ABCB11: variants seen among roughly 807,000 people sequenced by gnomAD.
ABCB11 encodes bile salt export pump.
Under a neutral mutation model 148.0 loss-of-function variants are expected in ABCB11, and 95 were observed. The ratio of observed to expected loss-of-function variants is 0.64; its 90% CI spans 0.54 to 0.76. The LOEUF (loss-of-function observed/expected upper bound fraction) is 0.76. ABCB11 is among the 30% of genes least tolerant of loss of function. ABCB11 has a pLI of 0.00. For synonymous variants in ABCB11, 591 were observed against 555.4 expected (o/e 1.06, Z -0.90); for missense variants, 1,523 against 1,617.8 (o/e 0.94, Z 1.01).
At position 168,932,539 on chromosome 2, in the gene ABCB11, A is replaced by C; in HGVS notation, c.3057-6T>G. ...GTACAACTGCAGAGATCACCCTGTA[A>C]CCAGACAGACACACAGGAAGAGAGC... On this transcript the variant is annotated splice_region_variant and splice_polypyrimidine_tract_variant and intron_variant, in intron 23 of 27. Coordinates refer to ENST00000650372, the MANE Select transcript of ABCB11 (RefSeq NM_003742.4). The C allele has an allele frequency of 6.2e-7, 1 of 1,612,760 alleles. No homozygotes were observed. The highest frequency in any genetic ancestry group is 8.5e-7 in the Non-Finnish European group (1 of 1,179,386).
chr2:168,991,429 A>T (rs549205108), intron 8 of ABCB11, among the ~76,000 whole-genome samples: 1 of 152,260 alleles, frequency 6.6e-6, no homozygotes, highest in Non-Finnish European at 1.5e-5. Flanking sequence ...GAGACGCTCA[A>T]CTATGTAGTT....
intron 14 of ABCB11, chr2:168,970,489 C>A: frequency 2.5e-6 from 2 of 810,130 alleles, no homozygotes; most frequent in Non-Finnish European, 3.6e-6. Context: ...GATTTTTCAA[C>A]CAAAATAAAA....
At chr2:168,986,382 A>G in intron 9 of ABCB11, 98 bp from the exon 10 acceptor site, 1 of 1,055,092 alleles carries the variant, frequency 9.5e-7, no homozygotes, top group East Asian at 2.4e-5. Flanking sequence ...AAATGATCAT[A>G]AAATCATCGC....
intron 17 of ABCB11, among the ~76,000 whole-genome samples, chr2:168,966,349 C>G (rs928724685): frequency 6.6e-6 from 1 of 151,826 alleles, no homozygotes; most frequent in Non-Finnish European, 1.5e-5. Context: ...GTCCTTGGCC[C>G]CTTGGATATC....
chr2:168,961,327 GTAGAGGTTCCCTGCCC>G (rs1693065183), intron 18 of ABCB11, among the ~76,000 whole-genome samples: 1 of 151,686 alleles, frequency 6.6e-6, no homozygotes, highest in East Asian at 2.0e-4. Context: ...CTTCCATTCA[GTAGAGGTTCCCTGCCC>G]TAATAATAAC....
chr2:168,978,598 T>A (rs551540008), intron 11 of ABCB11, among the ~76,000 whole-genome samples: 4 of 152,222 alleles, frequency 2.6e-5, no homozygotes, highest in African/African-American at 9.6e-5. Flanking sequence ...CCAAACAGGT[T>A]CAGGGAGCCC....
chr2:168,943,777 C>T (rs2105910748), intron 21 of ABCB11, among the ~76,000 whole-genome samples: 1 of 127,966 alleles, frequency 7.8e-6, no homozygotes, highest in East Asian at 2.5e-4. Context: ...CAGTACAGCA[C>T]TATCAGTCCA....
At chr2:169,005,690 G>C (rs1213285313) in intron 5 of ABCB11, among the ~76,000 whole-genome samples, 1 of 152,150 alleles carries the variant, frequency 6.6e-6, no homozygotes, top group African/African-American at 2.4e-5. Flanking sequence ...CTGAAGCCAA[G>C]AGTAGATTTT....
Position 168,969,360 on chromosome 2 carries a change from C to G in ABCB11, c.2001G>C (p.Glu667Asp). Reference sequence around the variant, plus strand: ...GGAAAAAGCACTTGCCCTTTATGTCCTCTTCATTAAGAGCTTGATTTCCCT... The same window carrying G: ...GGAAAAAGCACTTGCCCTTTATGTCGTCTTCATTAAGAGCTTGATTTCCCT... ...QSQGNQALNEEDIKDATEDDM... is the reference protein window; with the variant it reads ...QSQGNQALNEDDIKDATEDDM... The change falls in exon 16 of 28, where the codon GAG (glutamate) becomes GAC (aspartate). Residue 667 changes from glutamate to aspartate, a missense_variant. Transcript: ENST00000650372. 1.9e-6 allele frequency: 3 copies of G among 1,611,616 alleles called. No homozygotes were observed. The highest frequency in any genetic ancestry group is 1.7e-6 in the Non-Finnish European group (2 of 1,178,754).
At chr2:168,979,659 C>G (rs1349200802) in intron 11 of ABCB11, among the ~76,000 whole-genome samples, 2 of 111,804 alleles carry the variant, frequency 1.8e-5, no homozygotes, top group Non-Finnish European at 1.7e-5. Context: ...GCAACAAGAG[C>G]GAAACTCCAT....
rs142755107 is a variant in ABCB11, at chr2:168,932,278, G to C, written c.3213+99C>G. The C allele has an allele frequency of 6.3e-4, 654 of 1,032,174 alleles. 6 individuals carry two copies. The African/African-American group carries it at 9.1e-3, about 14-fold the overall frequency. The allele number at this position is 1,032,174 out of a possible 1,614,324, so 63.9% of individuals were successfully genotyped here. A position where few individuals can be genotyped will look rare whatever the true frequency, so the allele number is the denominator to read the frequency against. ...GTGGTGTTTGGTTTTCTGTTCTTGT[G>C]TTAGTTTGCTGAGAATGATGGTTTC... On this transcript the variant is annotated intron_variant, in intron 24 of 27. Transcript: ENST00000650372.
intron 23 of ABCB11, among the ~76,000 whole-genome samples, chr2:168,934,203 A>G (rs915324185): frequency 1.2e-4 from 18 of 152,336 alleles, no homozygotes; most frequent in African/African-American, 4.1e-4. Flanking sequence ...GTAGCTTTAA[A>G]TATGCAAAGA....
In ABCB11 at chr2:168,935,347, T is replaced by A. The variant is rs187663132; in HGVS notation, c.2893A>T (p.Thr965Ser). 17 of 1,614,002 alleles carry A rather than the reference T, an allele frequency of 1.1e-5. No individual in the cohort carries two copies. The East Asian group carries it at 3.8e-4, about 36-fold the overall frequency. Residue 965 changes from threonine to serine, a missense_variant, in exon 23 of 28, where the codon ACT (threonine) becomes TCT (serine). Coordinates refer to ENST00000650372, the MANE Select transcript of ABCB11 (RefSeq NM_003742.4). ...KERRFIEALE[T>S]ELEKPFKTAI... Reference sequence around the variant, plus strand: ...GTCTTGAAGGGCTTCTCCAGCTCAGTCTCAAGTGCTTCAATGAACCGCCTC... The same window carrying A: ...GTCTTGAAGGGCTTCTCCAGCTCAGACTCAAGTGCTTCAATGAACCGCCTC...
intron 17 of ABCB11, among the ~76,000 whole-genome samples, chr2:168,965,698 T>A (rs1206388117): frequency 2.6e-5 from 4 of 151,782 alleles, no homozygotes; most frequent in African/African-American, 7.2e-5. Flanking sequence ...GAGATGTGAG[T>A]GATGAGGAGA....
rs952572441 is a variant in ABCB11, at chr2:168,954,513, G to GT, written c.2343+3450dup. Among the ~76,000 whole-genome samples, 317 of 148,626 alleles carry GT rather than the reference G, an allele frequency of 2.1e-3. 2 individuals are homozygous for GT. The highest frequency in any genetic ancestry group is 5.9e-3 in the African/African-American group (242 of 40,734). On this transcript the variant is annotated intron_variant, in intron 19 of 27. Transcript: ENST00000650372. Reference sequence around the variant, plus strand: ...CAGGACACAAAATTCTTGGCTGACAGTTTTTTTTTTCCTTTCAGCACTTTG... The same window carrying GT: ...CAGGACACAAAATTCTTGGCTGACAGTTTTTTTTTTTCCTTTCAGCACTTTG...
At chr2:169,021,039 T>C (rs976462594) in intron 1 of ABCB11, among the ~76,000 whole-genome samples, 1 of 152,034 alleles carries the variant, frequency 6.6e-6, no homozygotes, top group Non-Finnish European at 1.5e-5. Flanking sequence ...CTTGGCTCAC[T>C]GCAACCTCCA....
chr2:169,009,845 T>C lies in ABCB11; in HGVS notation c.389+3427A>G, dbSNP rs146507703. Among the ~76,000 whole-genome samples, 182 of 152,286 alleles carry C rather than the reference T, an allele frequency of 1.2e-3. 3 individuals are homozygous for C. The highest frequency in any genetic ancestry group is 4.0e-3 in the African/African-American group (167 of 41,566). Reference sequence around the variant, plus strand: ...CACTTCGAGTGGGTGAATTTTATAGTATGTGAATTGTATCTCAACAAAGCC... The same window carrying C: ...CACTTCGAGTGGGTGAATTTTATAGCATGTGAATTGTATCTCAACAAAGCC... On this transcript the variant is annotated intron_variant, in intron 5 of 27. Transcript: ENST00000650372.
At chr2:168,973,223 G>A (rs1273130207) in intron 13 of ABCB11, among the ~76,000 whole-genome samples, 1 of 152,004 alleles carries the variant, frequency 6.6e-6, no homozygotes, top group African/African-American at 2.4e-5. Context: ...AAGCGACGGG[G>A]ATACGTTCTG....
chr2:168,938,094 G>T (rs553311122), intron 21 of ABCB11, among the ~76,000 whole-genome samples: 18 of 152,290 alleles, frequency 1.2e-4, no homozygotes, highest in African/African-American at 4.1e-4. Flanking sequence ...CGATGCTAAG[G>T]CACTGTTATT....
Sources: allele counts gnomAD v4.1 joint callset (sites outside exome capture counted in the v4.1 genomes callset), GRCh38; gene constraint gnomAD v4.1.1; transcripts MANE v1.5; gene names NCBI Gene and HGNC (gene_info 2026-07-23, HGNC 2026-07-21).